Variants in ESRRG observed in about 807,000 individuals in gnomAD.
ESRRG encodes the protein estrogen related receptor gamma.
In ESRRG, 13 loss-of-function variants were observed where a neutral mutation model predicts 44.0. The observed-to-expected ratio is 0.30, with a 90% CI of 0.19 to 0.47. ESRRG has a LOEUF of 0.47. ESRRG is among the 20% of genes least tolerant of loss of function. ESRRG has a pLI of 1.00. For synonymous variants in ESRRG, 215 were observed against 214.6 expected, an observed-to-expected ratio of 1.00 and a Z score of -0.02; for missense variants, 395 against 580.6, an observed-to-expected ratio of 0.68 and a Z score of 3.29.
At chr1:216,834,555 T>A (rs2095534530) in intron 2 of ESRRG, among the ~76,000 whole-genome samples, 1 of 152,000 alleles carries the variant, frequency 6.6e-6, no homozygotes, top group Admixed American at 6.5e-5. Flanking sequence ...AAACAGTGAG[T>A]CATTAACAAA....
At chr1:216,546,727 A>G (rs1206110990) in intron 5 of ESRRG, among the ~76,000 whole-genome samples, 2 of 151,976 alleles carry the variant, frequency 1.3e-5, no homozygotes, top group Non-Finnish European at 2.9e-5. Flanking sequence ...ACTAGTCTAC[A>G]TTAGTAATTT....
chr1:216,753,561 T>G (rs778779614), intron 2 of ESRRG, among the ~76,000 whole-genome samples: 2 of 152,088 alleles, frequency 1.3e-5, no homozygotes, highest in Admixed American at 1.3e-4. Flanking sequence ...TTATCTTAAG[T>G]CTATGTTCTG....
intron 1 of ESRRG, among the ~76,000 whole-genome samples, chr1:216,944,037 A>T (rs2065692815): frequency 6.6e-6 from 1 of 152,202 alleles, no homozygotes; most frequent in Non-Finnish European, 1.5e-5. Context: ...AGTGCCTCAA[A>T]GATTATGAAA....
intron 2 of ESRRG, among the ~76,000 whole-genome samples, chr1:216,773,711 T>C (rs955213040): frequency 1.3e-5 from 2 of 152,112 alleles, no homozygotes; most frequent in African/African-American, 4.8e-5. Flanking sequence ...GACTTGGATC[T>C]TTTGAGAAAG....
At chr1:216,640,380 G>C (rs2066149084) in intron 3 of ESRRG, among the ~76,000 whole-genome samples, 3 of 151,980 alleles carry the variant, frequency 2.0e-5, no homozygotes, top group Admixed American at 2.0e-4. Flanking sequence ...CTGGAACCTA[G>C]CCTGCTTCTC....
intron 3 of ESRRG, among the ~76,000 whole-genome samples, chr1:216,602,579 G>A (rs1390730565): frequency 2.0e-5 from 3 of 152,082 alleles, no homozygotes; most frequent in Non-Finnish European, 2.9e-5. Context: ...CAAGCTCCCC[G>A]GATTATCTAT....
intron 1 of ESRRG, among the ~76,000 whole-genome samples, chr1:216,983,052 T>A (rs1178179676): frequency 2.4e-5 from 3 of 123,486 alleles, no homozygotes; most frequent in African/African-American, 6.8e-5. Flanking sequence ...TTTTTTTTTT[T>A]AACTGTCTAA....
chr1:216,684,720 A>T (rs904627378), intron 1 of ESRRG, among the ~76,000 whole-genome samples: 19 of 152,344 alleles, frequency 1.2e-4, no homozygotes, highest in African/African-American at 4.6e-4. Flanking sequence ...ATCAATTCTT[A>T]TGACATTACT....
intron 6 of ESRRG, among the ~76,000 whole-genome samples, chr1:216,515,150 C>T (rs183324877): frequency 1.1e-4 from 16 of 151,808 alleles, no homozygotes; most frequent in African/African-American, 3.1e-4. Context: ...TGTATTTAAG[C>T]GATGTATTCT....
intron 2 of ESRRG, among the ~76,000 whole-genome samples, chr1:216,903,361 A>G (rs1357205552): frequency 1.3e-5 from 2 of 151,988 alleles, no homozygotes. Flanking sequence ...ACTTAGACAA[A>G]GAGAGCCGTG....
chr1:216,641,727 C>A (rs2066474249), intron 3 of ESRRG, among the ~76,000 whole-genome samples: 1 of 152,202 alleles, frequency 6.6e-6, no homozygotes, highest in Admixed American at 6.5e-5. Context: ...AATTGAACAG[C>A]TTCAGTACTA....
At chr1:216,581,635 A>AAGAG (rs112365344) in intron 3 of ESRRG, among the ~76,000 whole-genome samples, 142,076 of 150,128 alleles carry the variant, frequency 0.95, 67,521 homozygotes, top group South Asian at 0.99. Context: ...TGTTTAAATA[A>AAGAG]AGAGAGAGAG....
At chr1:216,604,822 C>G (rs935151215) in intron 3 of ESRRG, among the ~76,000 whole-genome samples, 5 of 152,186 alleles carry the variant, frequency 3.3e-5, no homozygotes, top group Non-Finnish European at 2.9e-5. Flanking sequence ...TCTAAACATG[C>G]ATTCTTGACC....
chr1:216,821,687 G>GAAAAAAAAAAAA (rs1251334274), intron 2 of ESRRG, among the ~76,000 whole-genome samples: 1 of 54,196 alleles, frequency 1.8e-5, no homozygotes, highest in Admixed American at 2.3e-4. Flanking sequence ...CCTGCCTCAG[G>GAAAAAAAAAAAA]AAAAATAAAT....
At chr1:216,930,567 T>G (rs886388466) in intron 2 of ESRRG, among the ~76,000 whole-genome samples, 1 of 152,240 alleles carries the variant, frequency 6.6e-6, no homozygotes, top group Non-Finnish European at 1.5e-5. Context: ...GAGACTTCAC[T>G]GTGTTAAAGA....
At chr1:216,973,989 G>T (rs1177796620) in intron 1 of ESRRG, among the ~76,000 whole-genome samples, 1 of 151,988 alleles carries the variant, frequency 6.6e-6, no homozygotes, top group Non-Finnish European at 1.5e-5. Context: ...TATCCTAATT[G>T]TCCCAACCCC....
intron 2 of ESRRG, 100 bp from the exon 3 acceptor site, chr1:216,651,189 C>A (rs1294809914): frequency 5.3e-6 from 4 of 753,328 alleles, no homozygotes; most frequent in Non-Finnish European, 7.2e-6. Context: ...ACTCTCCCAC[C>A]CCAAAAAATG....
chr1:217,032,934 G>T (rs1041260517), intron 1 of ESRRG, among the ~76,000 whole-genome samples: 1 of 152,130 alleles, frequency 6.6e-6, no homozygotes, highest in African/African-American at 2.4e-5. Context: ...CTCTTAAATA[G>T]CTATCTCCAC....
chr1:216,811,008 T>G (rs1479949169), intron 2 of ESRRG, among the ~76,000 whole-genome samples: 5 of 151,932 alleles, frequency 3.3e-5, no homozygotes, highest in Non-Finnish European at 7.4e-5. Flanking sequence ...TCATACCAGA[T>G]CACTGGGCAC....
Sources: allele counts gnomAD v4.1 joint callset (sites outside exome capture counted in the v4.1 genomes callset), GRCh38; gene constraint gnomAD v4.1.1; transcripts MANE v1.5; gene names NCBI Gene and HGNC (gene_info 2026-07-23, HGNC 2026-07-21).